The following ANKRD13C variants were observed in gnomAD, a reference collection of about 807,000 sequenced individuals.
The protein encoded by ANKRD13C is ankyrin repeat domain-containing protein 13C.
Under a neutral mutation model 65.5 loss-of-function variants are expected in ANKRD13C, and 16 were observed. The ratio of observed to expected loss-of-function variants is 0.24; its 90% confidence interval spans 0.17 to 0.37. The LOEUF (loss-of-function observed/expected upper bound fraction) is 0.37. Among genes scored for constraint, ANKRD13C ranks in the 10% least tolerant of loss-of-function variants. The pLI is 1.00. For synonymous variants in ANKRD13C, 235 were observed against 238.7 expected (o/e 0.98, Z 0.14); for missense variants, 503 against 655.9 (o/e 0.77, Z 2.55).
At chr1:70,265,383 A>T (rs1678570917) in intron 12 of ANKRD13C, among the ~76,000 whole-genome samples, 1 of 152,216 alleles carries the variant, frequency 6.6e-6, no homozygotes, top group Admixed American at 6.5e-5. Context: ...AATCTTGAAG[A>T]GATTAGTATA....
chr1:70,262,521 G>A lies in ANKRD13C; in HGVS notation c.*196C>T. On this transcript the variant is annotated 3_prime_UTR_variant, in exon 13 of 13. Coordinates refer to ENST00000370944, the MANE Select transcript of ANKRD13C (RefSeq NM_030816.5). ...TTTATAATATGTATATTTTTAAAAA[G>A]ACAAAAAATGGCACATCAGAAAACT... 2.3e-6 allele frequency: 1 copy of A among 425,874 alleles called. No individual in the cohort carries two copies. The highest frequency in any genetic ancestry group is 4.0e-6 in the Non-Finnish European group (1 of 249,210). 26.4% of individuals were successfully genotyped at this position (425,874 alleles called of 1,614,324 possible). A position where few individuals can be genotyped will look rare whatever the true frequency, so the allele number is the denominator to read the frequency against.
chr1:70,287,339 G>A (rs987341847), intron 9 of ANKRD13C, among the ~76,000 whole-genome samples: 1 of 151,770 alleles, frequency 6.6e-6, no homozygotes, highest in African/African-American at 2.4e-5. Flanking sequence ...CAATGGAGGA[G>A]GAACAGACTT....
At chr1:70,337,553 C>G (rs1682095198) in intron 1 of ANKRD13C, among the ~76,000 whole-genome samples, 1 of 151,854 alleles carries the variant, frequency 6.6e-6, no homozygotes, top group African/African-American at 2.4e-5. Context: ...TGCACTGCAG[C>G]CTGGGCGACA....
intron 1 of ANKRD13C, among the ~76,000 whole-genome samples, chr1:70,338,001 A>G (rs1227495470): frequency 6.6e-6 from 1 of 152,128 alleles, no homozygotes; most frequent in East Asian, 1.9e-4. Flanking sequence ...GAGGAGGCTG[A>G]GGCAGGAGAA....
At chr1:70,334,114 A>G (rs1318918566) in intron 2 of ANKRD13C, among the ~76,000 whole-genome samples, 1 of 152,210 alleles carries the variant, frequency 6.6e-6, no homozygotes, top group Non-Finnish European at 1.5e-5. Flanking sequence ...GCTTGAGGCC[A>G]GGAGTTTGAG....
chr1:70,287,555 A>T (rs1401083783), intron 9 of ANKRD13C, among the ~76,000 whole-genome samples: 8 of 152,196 alleles, frequency 5.3e-5, no homozygotes, highest in African/African-American at 1.9e-4. Context: ...CAGATTTGGC[A>T]TGTGACATAA....
intron 8 of ANKRD13C, among the ~76,000 whole-genome samples, chr1:70,295,219 A>C (rs1680028608): frequency 6.6e-6 from 1 of 151,822 alleles, no homozygotes; most frequent in South Asian, 2.1e-4. Context: ...TTCTTCATAC[A>C]GCTCATTCAA....
intron 5 of ANKRD13C, 39 bp downstream of exon 5, chr1:70,313,706 T>C (rs746849427): frequency 6.8e-7 from 1 of 1,462,388 alleles, no homozygotes; most frequent in South Asian, 1.2e-5. Context: ...CATTTCTGCA[T>C]AAGTACATAT....
intron 2 of ANKRD13C, among the ~76,000 whole-genome samples, chr1:70,328,549 G>C (rs1476070976): frequency 6.6e-6 from 1 of 152,116 alleles, no homozygotes; most frequent in Non-Finnish European, 1.5e-5. Flanking sequence ...TGTAATCCCA[G>C]CTACTTGGAG....
chr1:70,341,017 G>A (rs556197951), intron 1 of ANKRD13C, among the ~76,000 whole-genome samples: 1 of 152,162 alleles, frequency 6.6e-6, no homozygotes, highest in Non-Finnish European at 1.5e-5. Context: ...GGCTGAGGCA[G>A]GAGAATCACT....
Position 70,297,286 on chromosome 1 carries a change from G to GGTTTTTTTTTT in ANKRD13C, c.922-1026_922-1025insAAAAAAAAAAC, listed in dbSNP as rs1558281019. Among the ~76,000 whole-genome samples, 254 of 125,064 alleles carry GGTTTTTTTTTT rather than the reference G, an allele frequency of 2.0e-3. 11 individuals carry two copies. The highest frequency in any genetic ancestry group is 5.4e-3 in the East Asian group (20 of 3,728). The allele number at this position is 125,064 out of a possible 152,430, so 82.0% of individuals were successfully genotyped here. The stretch of plus-strand genomic sequence containing the variant: ...TTTAACCTACATAGAGTCCCTTTCT[G>GGTTTTTTTTTT]ATTTTTTTTTTTTTTTTTTTTTTTT... On this transcript the variant is annotated intron_variant, in intron 7 of 12. Transcript: ENST00000370944.
At chr1:70,313,458 GGTT>G (rs2101463134) in intron 5 of ANKRD13C, among the ~76,000 whole-genome samples, 1 of 151,614 alleles carries the variant, frequency 6.6e-6, no homozygotes, top group Admixed American at 6.6e-5. Context: ...TGAGCCCAGG[GGTT>G]CGAGGCTGTA....
intron 9 of ANKRD13C, among the ~76,000 whole-genome samples, chr1:70,285,844 C>T (rs552205419): frequency 5.3e-5 from 8 of 152,074 alleles, no homozygotes; most frequent in African/African-American, 1.7e-4. Context: ...AAGCTGGTCT[C>T]GAACTCCTGA....
chr1:70,341,375 T>C, intron 1 of ANKRD13C, among the ~76,000 whole-genome samples: 1 of 150,390 alleles, frequency 6.6e-6, no homozygotes, highest in African/African-American at 2.4e-5. Context: ...TTTTTTTTTT[T>C]TTTTTTTGAG....
At chr1:70,274,932 T>G (rs1437841821) in intron 10 of ANKRD13C, 114 bp from the exon 11 acceptor site, 1 of 664,690 alleles carries the variant, frequency 1.5e-6, no homozygotes, top group East Asian at 2.6e-5. Flanking sequence ...TTTCTTACTC[T>G]GTCTACAGAA....
intron 1 of ANKRD13C, 61 bp from the exon 2 acceptor site, chr1:70,336,160 TAA>T (rs1682015778): frequency 9.1e-6 from 4 of 440,874 alleles, no homozygotes; most frequent in Non-Finnish European, 1.4e-5. Context: ...AACATTTACT[TAA>T]AAGTGGTTTC....
intron 6 of ANKRD13C, among the ~76,000 whole-genome samples, chr1:70,304,391 C>T (rs1028487047): frequency 2.6e-5 from 4 of 151,844 alleles, no homozygotes; most frequent in African/African-American, 9.7e-5. Flanking sequence ...ACCTAGGACT[C>T]AGAATAAAAA....
At position 70,302,725 on chromosome 1, in the gene ANKRD13C, CAAAAAAAAAAAAAAA is replaced by C. The variant is rs11359618; in HGVS notation, c.777-1832_777-1818del. Among the ~76,000 whole-genome samples the C allele has an allele frequency of 8.1e-4, 26 of 32,164 alleles. 3 individuals carry two copies. The highest frequency in any genetic ancestry group is 4.3e-3 in the African/African-American group (25 of 5,798). The allele number at this position is 32,164 out of a possible 152,430, so 21.1% of individuals were successfully genotyped here. ...TGGGCGACAGAGCGAGACTCCGTCT[CAAAAAAAAAAAAAAA>C]AAAAAAAAAAAAAAAGAAAATAGTA... On this transcript the variant is annotated intron_variant, in intron 6 of 12. Coordinates refer to ENST00000370944, the MANE Select transcript of ANKRD13C (RefSeq NM_030816.5).
At chr1:70,328,856 A>T (rs1038335605) in intron 2 of ANKRD13C, among the ~76,000 whole-genome samples, 3 of 152,140 alleles carry the variant, frequency 2.0e-5, no homozygotes, top group South Asian at 2.1e-4. Context: ...ATAAAAAGAA[A>T]TTTTTTTTAA....
Sources: allele counts gnomAD v4.1 joint callset (sites outside exome capture counted in the v4.1 genomes callset), GRCh38; gene constraint gnomAD v4.1.1; transcripts MANE v1.5; gene names NCBI Gene and HGNC (gene_info 2026-07-23, HGNC 2026-07-21).